The following PHLPP1 variants were observed in gnomAD, a reference collection of about 807,000 sequenced individuals.
The protein encoded by PHLPP1 is PH domain and leucine rich repeat protein phosphatase 1.
Under a neutral mutation model 117.2 loss-of-function variants are expected in PHLPP1, and 42 were observed. That is an observed-to-expected ratio of 0.36 (90% CI 0.28 to 0.46). The LOEUF is 0.46. PHLPP1 is among the 20% of genes least tolerant of loss of function. The pLI, the probability that PHLPP1 is intolerant of heterozygous loss-of-function variation, is 1.00. For synonymous variants in PHLPP1, 1,042 were observed against 970.7 expected, an observed-to-expected ratio of 1.07 and a Z score of -1.37; for missense variants, 2,084 against 2,241.9, an observed-to-expected ratio of 0.93 and a Z score of 1.42.
intron 3 of PHLPP1, 91 bp downstream of exon 3, chr18:62,839,000 TAC>T: frequency 2.2e-6 from 3 of 1,360,184 alleles, no homozygotes; most frequent in South Asian, 2.9e-5. Flanking sequence ...TATGGTTAGT[TAC>T]ACACACTTTT....
chr18:62,719,449 T>C (rs78022548), intron 1 of PHLPP1, among the ~76,000 whole-genome samples: 5,921 of 152,316 alleles, frequency 0.039, 144 homozygotes, highest in Middle Eastern at 0.061. Flanking sequence ...CGTAGTCTCA[T>C]TTATGGAAAC....
chr18:62,955,816 G>A (rs973898032), intron 12 of PHLPP1, among the ~76,000 whole-genome samples: 13 of 151,990 alleles, frequency 8.6e-5, no homozygotes, highest in African/African-American at 2.7e-4. Flanking sequence ...GAATTTTGTT[G>A]TCAACTACTT....
intron 4 of PHLPP1, among the ~76,000 whole-genome samples, chr18:62,878,309 A>G (rs1293610123): frequency 6.6e-6 from 1 of 152,128 alleles, no homozygotes; most frequent in Non-Finnish European, 1.5e-5. Context: ...TTTGCTGATG[A>G]CTTCTGAAAT....
At chr18:62,860,304 G>C (rs1915599984) in intron 3 of PHLPP1, 131 bp from the exon 4 acceptor site, 1 of 735,258 alleles carries the variant, frequency 1.4e-6, no homozygotes, top group Admixed American at 2.5e-5. Flanking sequence ...TACTCTGTTG[G>C]TTTATATTTG....
intron 12 of PHLPP1, among the ~76,000 whole-genome samples, chr18:62,952,678 G>C (rs991671970): frequency 1.3e-5 from 2 of 152,178 alleles, no homozygotes; most frequent in Non-Finnish European, 2.9e-5. Flanking sequence ...GCATGCCGGA[G>C]TGCAGTGGTG....
At chr18:62,804,701 C>T (rs1013215888) in intron 1 of PHLPP1, among the ~76,000 whole-genome samples, 9 of 151,730 alleles carry the variant, frequency 5.9e-5, no homozygotes, top group Middle Eastern at 6.9e-3. Context: ...CCCCCATCCC[C>T]CCATCCCCCT....
At chr18:62,808,234 A>G (rs1279926176) in intron 1 of PHLPP1, among the ~76,000 whole-genome samples, 2 of 152,220 alleles carry the variant, frequency 1.3e-5, no homozygotes, top group Non-Finnish European at 2.9e-5. Context: ...AGGAGGAGCC[A>G]TTAAAGTAGA....
intron 1 of PHLPP1, among the ~76,000 whole-genome samples, chr18:62,800,272 G>C (rs888090372): frequency 6.6e-5 from 10 of 152,184 alleles, no homozygotes; most frequent in African/African-American, 2.4e-4. Flanking sequence ...GAGAACAGGT[G>C]GGGAAGGTTT....
intron 2 of PHLPP1, among the ~76,000 whole-genome samples, chr18:62,835,940 C>T (rs543649247): frequency 2.0e-5 from 3 of 151,454 alleles, no homozygotes; most frequent in Non-Finnish European, 2.9e-5. Flanking sequence ...ACCACCACGC[C>T]CGACTAATTT....
At chr18:62,775,076 G>C (rs963498523) in intron 1 of PHLPP1, among the ~76,000 whole-genome samples, 3 of 152,020 alleles carry the variant, frequency 2.0e-5, no homozygotes, top group African/African-American at 4.8e-5. Context: ...CCCAATAGCA[G>C]AATCTGTGGG....
Position 62,715,656 on chromosome 18 carries a change from TGG to T in PHLPP1, c.-22_-21del. 1 of 1,261,132 alleles carries T rather than the reference TGG, an allele frequency of 7.9e-7. No homozygotes were observed. 78.1% of individuals were successfully genotyped at this position (1,261,132 alleles called of 1,614,324 possible). On this transcript the variant is annotated 5_prime_UTR_variant, in exon 1 of 17. Transcript: ENST00000262719. Reference sequence around the variant, plus strand: ...CCTCTCCGCCCGCTGCCTCCGGAGCTGGGGGGGAAACGCGAAGCCCCACTGCA... The same window carrying T: ...CCTCTCCGCCCGCTGCCTCCGGAGCTGGGGGAAACGCGAAGCCCCACTGCA...
intron 4 of PHLPP1, among the ~76,000 whole-genome samples, chr18:62,872,196 G>A (rs73468154): frequency 0.033 from 5,065 of 152,292 alleles, 304 homozygotes; most frequent in African/African-American, 0.12. Flanking sequence ...AAGTGCTTAT[G>A]TACTAGGTTG....
At chr18:62,972,824 G>A in intron 15 of PHLPP1, 116 bp downstream of exon 15, 1 of 752,390 alleles carries the variant, frequency 1.3e-6, no homozygotes, top group Non-Finnish European at 2.2e-6. Context: ...TTGACTATGA[G>A]TACCAAGATG....
intron 1 of PHLPP1, among the ~76,000 whole-genome samples, chr18:62,763,730 T>A (rs34746536): frequency 6.6e-6 from 1 of 152,216 alleles, no homozygotes; most frequent in Admixed American, 6.5e-5. Context: ...TCTTTCTCTG[T>A]CTACTTTCTG....
intron 1 of PHLPP1, among the ~76,000 whole-genome samples, chr18:62,788,252 CCAGGTGTCCTGGGCA>C (rs1315200572): frequency 2.6e-5 from 4 of 152,096 alleles, no homozygotes; most frequent in African/African-American, 9.7e-5. Context: ...CTTTCACTGC[CCAGGTGTCCTGGGCA>C]CACTTGTATT....
chr18:62,930,085 A>G (rs1909761509), intron 10 of PHLPP1, among the ~76,000 whole-genome samples: 1 of 152,248 alleles, frequency 6.6e-6, no homozygotes, highest in African/African-American at 2.4e-5. Context: ...GGCAAGCCAG[A>G]TAAGAAATGA....
chr18:62,745,424 A>G (rs1257992823), intron 1 of PHLPP1, among the ~76,000 whole-genome samples: 1 of 152,246 alleles, frequency 6.6e-6, no homozygotes, highest in Non-Finnish European at 1.5e-5. Context: ...ACATTGCATT[A>G]AGAAATCTAG....
chr18:62,812,720 T>A (rs1914159481), intron 1 of PHLPP1, among the ~76,000 whole-genome samples: 1 of 152,122 alleles, frequency 6.6e-6, no homozygotes, highest in Non-Finnish European at 1.5e-5. Flanking sequence ...TGTGACCTTT[T>A]TTTTTTTTCC....
At chr18:62,843,880 C>T (rs543586631) in intron 3 of PHLPP1, among the ~76,000 whole-genome samples, 2 of 152,318 alleles carry the variant, frequency 1.3e-5, no homozygotes, top group African/African-American at 4.8e-5. Flanking sequence ...GATGGAAATG[C>T]TGACCTGGAT....
Sources: allele counts gnomAD v4.1 joint callset (sites outside exome capture counted in the v4.1 genomes callset), GRCh38; gene constraint gnomAD v4.1.1; transcripts MANE v1.5; gene names NCBI Gene and HGNC (gene_info 2026-07-23, HGNC 2026-07-21).